The following ATP2C1 variants were observed in gnomAD, a reference collection of about 807,000 sequenced individuals.
ATP2C1 encodes ATPase secretory pathway Ca2+ transporting 1.
A neutral mutation model predicts 120.5 loss-of-function variants in ATP2C1; 31 were observed. The observed-to-expected ratio is 0.26, with a 90% CI of 0.19 to 0.35. ATP2C1 has a LOEUF of 0.35. Among genes scored for constraint, ATP2C1 ranks in the 10% least tolerant of loss-of-function variants. The pLI is 1.00. For synonymous variants in ATP2C1, 351 were observed against 358.7 expected (o/e 0.98, Z 0.24); for missense variants, 731 against 1,107.5 (o/e 0.66, Z 4.83).
chr3:130,894,610 G>A lies in ATP2C1; in HGVS notation c.-160G>A. ...TGCAGATGCTGCTGCTAGGGGTGGT[G>A]GGAGCAGCCGTGGGACGCGTGGCCG... On this transcript the variant is annotated 5_prime_UTR_variant, in exon 2 of 28. Coordinates refer to ENST00000510168, the MANE Select transcript of ATP2C1 (RefSeq NM_001378687.1). This position sits in a 1 kb window ranked among gnomAD's most constrained non-coding sequence, Gnocchi z 4.5. 6.4e-7 allele frequency: 1 copy of A among 1,563,166 alleles called. No homozygotes were observed. The highest frequency in any genetic ancestry group is 8.7e-7 in the Non-Finnish European group (1 of 1,152,814).
At chr3:130,924,099 G>A (rs1462892562) in intron 2 of ATP2C1, among the ~76,000 whole-genome samples, 7 of 150,018 alleles carry the variant, frequency 4.7e-5, no homozygotes, top group Non-Finnish European at 4.4e-5. Context: ...AGGTACTGTT[G>A]TTTTCATCAT....
At position 130,969,283 on chromosome 3, in the gene ATP2C1, G is replaced by A. The variant is rs1321012789; in HGVS notation, c.1309-9G>A. The stretch of plus-strand genomic sequence containing the variant: ...AGGTGAGAATTAACTTTCTCTTTGT[G>A]CCATATAGATGGGTCTTGATGGACT... On this transcript the variant is annotated splice_polypyrimidine_tract_variant and intron_variant, in intron 16 of 27. Coordinates refer to ENST00000510168, the MANE Select transcript of ATP2C1 (RefSeq NM_001378687.1). The A allele has an allele frequency of 6.3e-7, 1 of 1,590,090 alleles. No individual in the cohort carries two copies. Among genetic ancestry groups the A allele is most frequent in the Admixed American group, 1.7e-5 (1 of 59,966 alleles).
chr3:130,940,611 C>G lies in ATP2C1; in HGVS notation c.361-19C>G, dbSNP rs1303289350. Reference sequence around the variant, plus strand: ...TTCATGGGAGCAAAATTAAATTCTACTTTTTTTTGTTTGAATAGGAATATC... The same window carrying G: ...TTCATGGGAGCAAAATTAAATTCTAGTTTTTTTTGTTTGAATAGGAATATC... On this transcript the variant is annotated intron_variant, in intron 6 of 27. Transcript: ENST00000510168. 3 of 1,555,302 alleles carry G rather than the reference C, an allele frequency of 1.9e-6. No homozygotes were observed. The highest frequency in any genetic ancestry group is 2.7e-6 in the Non-Finnish European group (3 of 1,127,902).
intron 1 of ATP2C1, among the ~76,000 whole-genome samples, chr3:130,872,868 C>T (rs767083470): frequency 6.6e-6 from 1 of 152,116 alleles, no homozygotes; most frequent in South Asian, 2.1e-4. Context: ...CAGGTGTGAG[C>T]CACTGCGCCC....
intron 2 of ATP2C1, among the ~76,000 whole-genome samples, chr3:130,915,091 T>G (rs983540135): frequency 2.4e-4 from 32 of 134,034 alleles, no homozygotes; most frequent in African/African-American, 8.0e-4. Flanking sequence ...TCATTCTGGG[T>G]TTTTTTTTTT....
chr3:131,004,496 A>G (rs2063025039), downstream of ATP2C1, among the ~76,000 whole-genome samples: 1 of 152,254 alleles, frequency 6.6e-6, no homozygotes, highest in South Asian at 2.1e-4. Flanking sequence ...AATTGTCCAT[A>G]AACATTGTTG....
intron 1 of ATP2C1, among the ~76,000 whole-genome samples, chr3:130,873,398 C>G (rs545941181): frequency 2.0e-5 from 3 of 152,272 alleles, no homozygotes; most frequent in Non-Finnish European, 4.4e-5. Context: ...AGTCTGCTTA[C>G]TTCGCAATGT....
At chr3:130,968,055 C>T (rs2061133464) in intron 16 of ATP2C1, among the ~76,000 whole-genome samples, 2 of 152,110 alleles carry the variant, frequency 1.3e-5, no homozygotes, top group Admixed American at 6.5e-5. Context: ...AATTTTGATA[C>T]TTGTATAAAG....
At chr3:130,914,591 T>C (rs1347846262) in intron 2 of ATP2C1, 1 of 152,328 alleles carries the variant, frequency 6.6e-6, no homozygotes, top group Non-Finnish European at 1.5e-5. Flanking sequence ...GGTCTTGGTA[T>C]TTTGCCTAGC....
chr3:130,950,143 A>C (rs186714601), intron 8 of ATP2C1, among the ~76,000 whole-genome samples: 1 of 152,222 alleles, frequency 6.6e-6, no homozygotes, highest in East Asian at 1.9e-4. Context: ...GGGAATAATA[A>C]TCTTGTGAAT....
chr3:130,878,021 A>G (rs1336957732), intron 1 of ATP2C1, among the ~76,000 whole-genome samples: 2 of 151,744 alleles, frequency 1.3e-5, no homozygotes, highest in Non-Finnish European at 2.9e-5. Flanking sequence ...CATCATTCTG[A>G]GCAAACTATC....
chr3:130,953,766 A>C, intron 8 of ATP2C1, 55 bp from the exon 9 acceptor site: 169 of 1,564,006 alleles, frequency 1.1e-4, no homozygotes, highest in Non-Finnish European at 1.4e-4. Context: ...TATGAACTCT[A>C]GAGATGTTAA....
chr3:130,903,896 A>C (rs927338642), intron 2 of ATP2C1, among the ~76,000 whole-genome samples: 3 of 152,032 alleles, frequency 2.0e-5, no homozygotes, highest in Non-Finnish European at 4.4e-5. Flanking sequence ...ATTTCTTTCA[A>C]ACCTAGAATA....
chr3:130,915,398 T>C (rs1423430142), intron 2 of ATP2C1, among the ~76,000 whole-genome samples: 2 of 152,130 alleles, frequency 1.3e-5, no homozygotes, highest in East Asian at 3.9e-4. Flanking sequence ...CCGGCCTAAT[T>C]CATTCTTAAT....
chr3:130,860,366 G>A (rs953499138), intron 1 of ATP2C1, among the ~76,000 whole-genome samples: 2 of 152,188 alleles, frequency 1.3e-5, no homozygotes, highest in Non-Finnish European at 2.9e-5. Context: ...CAGGAAAAAT[G>A]TTGGAATTAT....
chr3:130,976,123 C>T lies in ATP2C1; in HGVS notation c.1570+635C>T, dbSNP rs138039117. ...ATATATGTAGTTATGTAGTCTCTCA[C>T]AGCAGTTGGAAGAGTTGGCTTCCTT... On this transcript the variant is annotated intron_variant, in intron 18 of 27. Coordinates refer to ENST00000510168, the MANE Select transcript of ATP2C1 (RefSeq NM_001378687.1). 8.5e-5 allele frequency among the ~76,000 whole-genome samples: 13 copies of T among 152,286 alleles called. No homozygotes were observed. The East Asian group carries it at 2.1e-3, about 25-fold the overall frequency.
chr3:130,998,291 C>A lies in ATP2C1; in HGVS notation c.2392-3C>A, dbSNP rs1203091369. ...AAGTAATTTTGTTATTGCCTCTTGA[C>A]AGCTACGAGACAATGTGATTACACC... On this transcript the variant is annotated splice_polypyrimidine_tract_variant and splice_region_variant and intron_variant, in intron 25 of 27. Transcript: ENST00000510168. 1 of 1,600,812 alleles carries A rather than the reference C, an allele frequency of 6.2e-7. No homozygotes were observed. Among genetic ancestry groups the A allele is most frequent in the South Asian group, 1.1e-5 (1 of 90,838 alleles).
chr3:130,926,137 T>C (rs2059194904), intron 2 of ATP2C1, among the ~76,000 whole-genome samples: 1 of 152,204 alleles, frequency 6.6e-6, no homozygotes, highest in African/African-American at 2.4e-5. Flanking sequence ...TCAAAGGGTC[T>C]GTGGATTCTC....
At chr3:130,945,361 CATTT>C (rs1303004845) in intron 8 of ATP2C1, among the ~76,000 whole-genome samples, 5 of 151,858 alleles carry the variant, frequency 3.3e-5, no homozygotes, top group Admixed American at 1.3e-4. Flanking sequence ...ATTTTTATTT[CATTT>C]ATTTATTTTT....
Sources: allele counts gnomAD v4.1 joint callset (sites outside exome capture counted in the v4.1 genomes callset), GRCh38; gene constraint gnomAD v4.1.1; non-coding constraint Gnocchi (gnomAD v3.1); transcripts MANE v1.5; gene names NCBI Gene and HGNC (gene_info 2026-07-23, HGNC 2026-07-21).